The following PCDHGB3 variants were observed in gnomAD, a reference collection of about 807,000 sequenced individuals.
PCDHGB3 encodes protocadherin gamma-B3.
Under a neutral mutation model 59.2 loss-of-function variants are expected in PCDHGB3, and 40 were observed. The observed-to-expected ratio is 0.68, with a 90% CI of 0.52 to 0.88. The LOEUF (loss-of-function observed/expected upper bound fraction) is 0.88, where lower values mean the gene tolerates loss of function less well. Ranked by LOEUF, PCDHGB3 falls within the 40% of genes least tolerant of loss-of-function variation. PCDHGB3 has a pLI of 0.00. For synonymous variants in PCDHGB3, 581 were observed against 503.6 expected (o/e 1.15, Z -2.06); for missense variants, 1,309 against 1,187.9 (o/e 1.10, Z -1.50).
intron 1 of PCDHGB3, chr5:141,402,911 C>T: frequency 1.3e-6 from 2 of 1,551,976 alleles, no homozygotes; most frequent in South Asian, 1.2e-5. Context: ...TGAAGCAGCG[C>T]GCACAGAGAT....
At position 141,494,730 on chromosome 5, in the gene PCDHGB3, G is replaced by A. The variant is rs1595262506; in HGVS notation, c.2416-77G>A. 18 of 1,609,816 alleles carry A rather than the reference G, an allele frequency of 1.1e-5. No individual in the cohort carries two copies. In the East Asian group the frequency reaches 4.0e-4, roughly 36 times the overall value. On this transcript the variant is annotated intron_variant, in intron 1 of 3. Coordinates refer to ENST00000576222, the MANE Select transcript of PCDHGB3 (RefSeq NM_018924.5). ...GTGCCCACTCCCCTCCTTCTCTCCC[G>A]GCCCATCCCTAGGGGCTCGGGTGAC...
Position 141,491,665 on chromosome 5 carries a change from C to T in PCDHGB3, c.2416-3142C>T, listed in dbSNP as rs749918160. 6.2e-7 allele frequency: 1 copy of T among 1,613,764 alleles called. No homozygotes were observed. The highest frequency in any genetic ancestry group is 8.5e-7 in the Non-Finnish European group (1 of 1,180,000). On this transcript the variant is annotated intron_variant, in intron 1 of 3. Transcript: ENST00000576222. The surrounding 1 kb of genome is among the most constrained non-coding windows in gnomAD (Gnocchi z 6.9). ...TCTGGCGCTGGAGCCTGACGCCATCCGGTCCCGCTCTAATACGCTGCGGGA... is the reference window on the plus strand; with the variant it reads ...TCTGGCGCTGGAGCCTGACGCCATCTGGTCCCGCTCTAATACGCTGCGGGA...
At chr5:141,420,453 C>A (rs1026053173) in intron 1 of PCDHGB3, 76 of 977,580 alleles carry the variant, frequency 7.8e-5, no homozygotes, top group Non-Finnish European at 8.8e-5. Context: ...AGTCTTCCTA[C>A]TATTCAAAGA....
chr5:141,475,388 G>C (rs1230010845), intron 1 of PCDHGB3, among the ~76,000 whole-genome samples: 8 of 152,170 alleles, frequency 5.3e-5, no homozygotes, highest in Non-Finnish European at 1.0e-4. Flanking sequence ...AATTTTATAA[G>C]CCAGAGTTAA....
At position 141,476,873 on chromosome 5, in the gene PCDHGB3, G is replaced by C; in HGVS notation, c.2416-17934G>C. On this transcript the variant is annotated intron_variant, in intron 1 of 3. Coordinates refer to ENST00000576222, the MANE Select transcript of PCDHGB3 (RefSeq NM_018924.5). This position sits in a 1 kb window ranked among gnomAD's most constrained non-coding sequence, Gnocchi z 7.6. ...CAACCAGTCCTTGTACCGGGCGCGC[G>C]TCCTGGAGGATGCACCCTCCGGCAC... 1 of 1,613,936 alleles carries C rather than the reference G, an allele frequency of 6.2e-7. No homozygotes were observed. Among genetic ancestry groups the C allele is most frequent in the South Asian group, 1.1e-5 (1 of 91,088 alleles).
At chr5:141,423,975 A>G in intron 1 of PCDHGB3, 2 of 1,126,024 alleles carry the variant, frequency 1.8e-6, no homozygotes, top group Non-Finnish European at 2.2e-6. Flanking sequence ...TTATCAGTGT[A>G]TGAGGCTCTC....
intron 1 of PCDHGB3, chr5:141,409,672 T>C (rs1411780634): frequency 2.5e-6 from 4 of 1,613,458 alleles, no homozygotes; most frequent in Non-Finnish European, 2.5e-6. Flanking sequence ...TCTCCTACTC[T>C]ATAGTGGCGA....
chr5:141,471,747 T>A (rs2099263878), intron 1 of PCDHGB3, among the ~76,000 whole-genome samples: 1 of 152,200 alleles, frequency 6.6e-6, no homozygotes, highest in African/African-American at 2.4e-5. Context: ...ACATAACATA[T>A]TTGAGGGTGT....
intron 1 of PCDHGB3, chr5:141,374,228 G>T (rs776875063): frequency 6.2e-7 from 1 of 1,613,990 alleles, no homozygotes; most frequent in Non-Finnish European, 8.5e-7. Flanking sequence ...AGGCAACATC[G>T]TCAAGGATCT....
chr5:141,508,777 AG>A (rs1428861784), intron 3 of PCDHGB3, among the ~76,000 whole-genome samples: 3 of 150,778 alleles, frequency 2.0e-5, no homozygotes, highest in Non-Finnish European at 4.4e-5. Context: ...TCCCCCCTCT[AG>A]CCCCTAAATC....
At chr5:141,399,739 C>T (rs774893843) in intron 1 of PCDHGB3, 2 of 1,613,218 alleles carry the variant, frequency 1.2e-6, no homozygotes, top group Non-Finnish European at 1.7e-6. Flanking sequence ...CTCGCCTGCG[C>T]TCAGCGCAAA....
intron 1 of PCDHGB3, chr5:141,433,260 C>A: frequency 1.5e-6 from 2 of 1,352,308 alleles, no homozygotes; most frequent in South Asian, 1.4e-5. Flanking sequence ...GCGGTACGAT[C>A]ATAGCTCACT....
chr5:141,381,909 A>AACCTCC (rs1182707286), intron 1 of PCDHGB3, among the ~76,000 whole-genome samples: 1 of 130,036 alleles, frequency 7.7e-6, no homozygotes, highest in East Asian at 2.2e-4. Context: ...GGCTCACCAC[A>AACCTCC]ACCTCCACCT....
chr5:141,403,530 AG>A (rs1303990777), intron 1 of PCDHGB3: 2 of 1,613,988 alleles, frequency 1.2e-6, no homozygotes. Context: ...ATAAACCCAG[AG>A]CTGGTGCTGG....
At position 141,408,409 on chromosome 5, in the gene PCDHGB3, C is replaced by G. The variant is rs780778580; in HGVS notation, c.2415+35600C>G. On this transcript the variant is annotated intron_variant, in intron 1 of 3. Coordinates refer to ENST00000576222, the MANE Select transcript of PCDHGB3 (RefSeq NM_018924.5). ...TGTCGGCTCGCAAGCTGCGAGTGAGCGCGGAGAAGCTGCACTTCAGCGTAG... is the reference window on the plus strand; with the variant it reads ...TGTCGGCTCGCAAGCTGCGAGTGAGGGCGGAGAAGCTGCACTTCAGCGTAG... 3.1e-6 allele frequency: 5 copies of G among 1,613,884 alleles called. No individual in the cohort carries two copies. In the East Asian group the frequency reaches 1.1e-4, roughly 36 times the overall value.
intron 1 of PCDHGB3, chr5:141,394,121 T>G: frequency 6.2e-7 from 1 of 1,613,920 alleles, no homozygotes; most frequent in Non-Finnish European, 8.5e-7. Flanking sequence ...CCACTGAAAC[T>G]CAAATCGCTC....
rs1190445239 is a variant in PCDHGB3 at position 141,431,331 on chromosome 5, A to T, written c.2415+58522A>T. 1 of 1,614,062 alleles carries T rather than the reference A, an allele frequency of 6.2e-7. No individual in the cohort carries two copies. The highest frequency in any genetic ancestry group is 1.7e-5 in the Admixed American group (1 of 60,026). On this transcript the variant is annotated intron_variant, in intron 1 of 3. Coordinates refer to ENST00000576222, the MANE Select transcript of PCDHGB3 (RefSeq NM_018924.5). The surrounding 1 kb of genome is among the most constrained non-coding windows in gnomAD (Gnocchi z 4.8). ...CAAAATGGAGCCGACGGTAGTAAGT[A>T]CCCCGAATTGGTGCTGAAACGCGCC...
intron 1 of PCDHGB3, chr5:141,399,986 G>A (rs1400468651): frequency 6.2e-7 from 1 of 1,612,408 alleles, no homozygotes; most frequent in East Asian, 2.2e-5. Context: ...CTGCGCACAG[G>A]AGAGGTGCGC....
chr5:141,423,330 C>T (rs932335651), intron 1 of PCDHGB3: 2 of 1,614,174 alleles, frequency 1.2e-6, no homozygotes, highest in Non-Finnish European at 1.7e-6. Flanking sequence ...TGGCCGCAGT[C>T]TCCTGCATCT....
Sources: allele counts gnomAD v4.1 joint callset (sites outside exome capture counted in the v4.1 genomes callset), GRCh38; gene constraint gnomAD v4.1.1; non-coding constraint Gnocchi (gnomAD v3.1); transcripts MANE v1.5; gene names NCBI Gene and HGNC (gene_info 2026-07-23, HGNC 2026-07-21).